The following ASB4 variants were observed in gnomAD, a reference collection of about 807,000 sequenced individuals.
The protein encoded by ASB4 is ankyrin repeat and SOCS box protein 4.
Under a neutral mutation model 38.6 loss-of-function variants are expected in ASB4, and 35 were observed. The observed-to-expected ratio is 0.91, with a 90% CI of 0.69 to 1.20. The LOEUF is 1.20. ASB4 is among the 50% of genes most tolerant of loss of function. ASB4 has a pLI of 0.00. For missense variants in ASB4, 557 were observed against 527.2 expected, an observed-to-expected ratio of 1.06 and a Z score of -0.55; for synonymous variants, 195 against 201.3, an observed-to-expected ratio of 0.97 and a Z score of 0.26.
At chr7:95,481,407 T>A (rs1326820201), upstream of ASB4, among the ~76,000 whole-genome samples, 1 of 152,076 alleles carries the variant, frequency 6.6e-6, no homozygotes, top group Non-Finnish European at 1.5e-5. Flanking sequence ...ATGCTACATA[T>A]TACAGAAGTA....
intron 1 of ASB4, among the ~76,000 whole-genome samples, chr7:95,488,879 A>G (rs1323543325): frequency 6.6e-6 from 1 of 152,214 alleles, no homozygotes; most frequent in African/African-American, 2.4e-5. Flanking sequence ...TTTTGGCTTA[A>G]TAAGAAAGAC....
At chr7:95,484,903 A>G (rs80143107), upstream of ASB4, among the ~76,000 whole-genome samples, 1,660 of 151,848 alleles carry the variant, frequency 0.011, 31 homozygotes, top group African/African-American at 0.037. Flanking sequence ...AGATTCACCA[A>G]GTCTTTAAGT....
At chr7:95,515,267 C>CCCTTTCTTTCTT (rs1249430167) in intron 2 of ASB4, among the ~76,000 whole-genome samples, 1 of 72,546 alleles carries the variant, frequency 1.4e-5, no homozygotes, top group African/African-American at 4.8e-5. Flanking sequence ...TTCTTTCTTT[C>CCCTTTCTTTCTT]TCTTTCTTTC....
At position 95,538,537 on chromosome 7, in the gene ASB4, T is replaced by C. The variant is rs553756170; in HGVS notation, c.*778T>C. On this transcript the variant is annotated 3_prime_UTR_variant, in exon 5 of 5. Transcript: ENST00000325885. The stretch of plus-strand genomic sequence containing the variant: ...AGTACAGGTGCAGACTCACTTTTAA[T>C]GCTTATCTTTCAAAGTTGTGTTTCT... 6.6e-6 allele frequency: 1 copy of C among 152,344 alleles called. No homozygotes were observed. The highest frequency in any genetic ancestry group is 1.9e-4 in the East Asian group (1 of 5,188). 9.4% of individuals were successfully genotyped at this position (152,344 alleles called of 1,614,324 possible). A position where few individuals can be genotyped will look rare whatever the true frequency, so the allele number is the denominator to read the frequency against.
intron 4 of ASB4, 78 bp downstream of exon 4, chr7:95,536,628 CA>C (rs1562823619): frequency 9.2e-7 from 1 of 1,081,768 alleles, no homozygotes; most frequent in Non-Finnish European, 1.3e-6. Context: ...AAAATTGTAA[CA>C]AAAAAGTTGG....
upstream of ASB4, among the ~76,000 whole-genome samples, chr7:95,476,719 G>A (rs1411680795): frequency 2.0e-5 from 3 of 152,198 alleles, no homozygotes; most frequent in East Asian, 5.8e-4. Flanking sequence ...GAGAAAAATT[G>A]TGAGCATGAG....
chr7:95,522,335 A>G (rs927606687), intron 2 of ASB4, among the ~76,000 whole-genome samples: 6 of 152,134 alleles, frequency 3.9e-5, no homozygotes, highest in African/African-American at 1.4e-4. Flanking sequence ...TGTTTGAATT[A>G]CAATATAAAA....
intron 2 of ASB4, among the ~76,000 whole-genome samples, chr7:95,497,551 T>A (rs940550126): frequency 6.6e-6 from 1 of 152,176 alleles, no homozygotes; most frequent in Non-Finnish European, 1.5e-5. Context: ...ATCCATTTTT[T>A]AAAAAGTCAG....
At chr7:95,494,892 A>T (rs1238344311) in intron 1 of ASB4, among the ~76,000 whole-genome samples, 1 of 152,202 alleles carries the variant, frequency 6.6e-6, no homozygotes, top group African/African-American at 2.4e-5. Flanking sequence ...TGAAGATCTC[A>T]GTTCTAGGCA....
the ASB4 span, among the ~76,000 whole-genome samples, chr7:95,545,713 C>T: frequency 6.6e-6 from 1 of 152,152 alleles, no homozygotes; most frequent in Non-Finnish European, 1.5e-5. Context: ...CTGTCAACAA[C>T]TGGCAAGAAT....
At chr7:95,533,237 T>C (rs935527493) in intron 3 of ASB4, among the ~76,000 whole-genome samples, 1 of 152,206 alleles carries the variant, frequency 6.6e-6, no homozygotes, top group African/African-American at 2.4e-5. Flanking sequence ...AGAAGCTGTG[T>C]ATGGCCCCCT....
intron 2 of ASB4, among the ~76,000 whole-genome samples, chr7:95,513,293 A>ATGTGTG (rs3046862): frequency 0.16 from 14,289 of 88,916 alleles, 1,319 homozygotes; most frequent in East Asian, 0.26. Context: ...AGCCAATAGA[A>ATGTGTG]TGTGTGTGTG....
intron 2 of ASB4, among the ~76,000 whole-genome samples, chr7:95,498,690 T>G (rs1461427091): frequency 6.6e-6 from 1 of 152,214 alleles, no homozygotes; most frequent in Non-Finnish European, 1.5e-5. Context: ...AAGAAGTATT[T>G]AGTTCTGATA....
intron 1 of ASB4, among the ~76,000 whole-genome samples, chr7:95,492,259 C>T (rs1196032841): frequency 1.3e-5 from 2 of 152,192 alleles, no homozygotes; most frequent in African/African-American, 2.4e-5. Context: ...ACATAATACA[C>T]GAACAGGATA....
chr7:95,471,318 C>A, the ASB4 span, among the ~76,000 whole-genome samples: 1 of 152,142 alleles, frequency 6.6e-6, no homozygotes, highest in African/African-American at 2.4e-5. Flanking sequence ...TGTCCTCTTT[C>A]CTGCACGCTT....
At chr7:95,472,235 G>GATA in the ASB4 span, among the ~76,000 whole-genome samples, 2 of 105,462 alleles carry the variant, frequency 1.9e-5, no homozygotes, top group African/African-American at 7.6e-5. Context: ...CCCCAAAAAT[G>GATA]TGTCCAAAAT....
chr7:95,551,045 A>G, the ASB4 span, among the ~76,000 whole-genome samples: 1 of 152,132 alleles, frequency 6.6e-6, no homozygotes, highest in Non-Finnish European at 1.5e-5. Flanking sequence ...CAATGGTGTG[A>G]TCTTGGCTCA....
chr7:95,522,090 G>A (rs1208833767), intron 2 of ASB4, among the ~76,000 whole-genome samples: 2 of 152,060 alleles, frequency 1.3e-5, no homozygotes, highest in African/African-American at 2.4e-5. Flanking sequence ...ATTTGGTGCT[G>A]ATGTAATAAT....
chr7:95,497,049 G>A (rs1790261216), intron 2 of ASB4, among the ~76,000 whole-genome samples: 1 of 152,104 alleles, frequency 6.6e-6, no homozygotes, highest in South Asian at 2.1e-4. Context: ...GGTAGGGTGG[G>A]AAGGACAAGA....
Sources: allele counts gnomAD v4.1 joint callset (sites outside exome capture counted in the v4.1 genomes callset), GRCh38; gene constraint gnomAD v4.1.1; transcripts MANE v1.5; gene names NCBI Gene and HGNC (gene_info 2026-07-23, HGNC 2026-07-21).